Variants in ITSN2 observed in about 807,000 individuals in gnomAD.
The protein encoded by ITSN2 is intersectin 2.
ITSN2 carries 156 observed loss-of-function variants against 243.7 expected under a neutral mutation model. That is an observed-to-expected ratio of 0.64 (90% CI 0.56 to 0.73). The LOEUF (loss-of-function observed/expected upper bound fraction) is 0.73. Among genes scored for constraint, ITSN2 ranks in the 30% least tolerant of loss-of-function variants. The pLI is 0.00. For synonymous variants in ITSN2, 703 were observed against 699.9 expected, an observed-to-expected ratio of 1.00 and a Z score of -0.07; for missense variants, 1,801 against 1,996.1, an observed-to-expected ratio of 0.90 and a Z score of 1.86.
chr2:24,290,434 T>C (rs142824934), intron 15 of ITSN2, among the ~76,000 whole-genome samples: 1 of 152,338 alleles, frequency 6.6e-6, no homozygotes, highest in Non-Finnish European at 1.5e-5. Context: ...TTGTATTACA[T>C]GTACTTCAAA....
chr2:24,339,830 T>C (rs2702123), intron 1 of ITSN2, among the ~76,000 whole-genome samples: 21,058 of 151,882 alleles, frequency 0.14, 2,009 homozygotes, highest in African/African-American at 0.27. Context: ...AGCTCAAGAC[T>C]AGCCTGGGCA....
At chr2:24,317,067 A>C (rs544146558) in intron 2 of ITSN2, among the ~76,000 whole-genome samples, 1 of 152,198 alleles carries the variant, frequency 6.6e-6, no homozygotes, top group Non-Finnish European at 1.5e-5. Flanking sequence ...TGGCCCCAAC[A>C]GTATTTTGGC....
chr2:24,340,191 A>G (rs1243918390), intron 1 of ITSN2, among the ~76,000 whole-genome samples: 1 of 152,116 alleles, frequency 6.6e-6, no homozygotes, highest in Non-Finnish European at 1.5e-5. Context: ...TATAAAGTTG[A>G]ATGTACTTGG....
At chr2:24,284,956 G>A in intron 16 of ITSN2, 113 bp from the exon 17 acceptor site, 1 of 565,330 alleles carries the variant, frequency 1.8e-6, no homozygotes, top group South Asian at 2.0e-5. Context: ...GACTGCAGTG[G>A]CGCAATCTCA....
At chr2:24,346,144 G>C (rs565445281) in intron 1 of ITSN2, among the ~76,000 whole-genome samples, 2 of 152,274 alleles carry the variant, frequency 1.3e-5, no homozygotes, top group Non-Finnish European at 2.9e-5. Flanking sequence ...AGGCTACGTA[G>C]AGTATAGCAC....
intron 1 of ITSN2, among the ~76,000 whole-genome samples, chr2:24,328,711 C>T (rs967817753): frequency 6.6e-6 from 1 of 152,176 alleles, no homozygotes; most frequent in Non-Finnish European, 1.5e-5. Context: ...GACCTGCCCA[C>T]GTCAGCCTCC....
At position 24,293,709 on chromosome 2, in the gene ITSN2, T is replaced by A. The variant is rs368084622; in HGVS notation, c.1702A>T (p.Met568Leu). The change falls in exon 15 of 40, where the codon ATG becomes TTG. Residue 568 changes from methionine to leucine, a missense_variant. Coordinates refer to ENST00000355123, the MANE Select transcript of ITSN2 (RefSeq NM_006277.3). ...TTACCAGGTGTGTTACTGAACTGCA[T>A]GTTTTTAATTCTTTCATTTAATAAT... ...KQLLNERIKN[M>L]QFSNTPDSGV... 13 of 1,220,502 alleles carry A rather than the reference T, an allele frequency of 1.1e-5. No homozygotes were observed. In the African/African-American group the frequency reaches 1.9e-4, roughly 18 times the overall value. 75.6% of individuals were successfully genotyped at this position (1,220,502 alleles called of 1,614,324 possible).
intron 1 of ITSN2, among the ~76,000 whole-genome samples, chr2:24,332,154 A>C (rs1685863578): frequency 6.6e-6 from 1 of 152,196 alleles, no homozygotes; most frequent in African/African-American, 2.4e-5. Flanking sequence ...CGGCAGGAGA[A>C]TCGCTTGAAC....
chr2:24,324,125 G>A (rs1331480914), intron 2 of ITSN2, among the ~76,000 whole-genome samples: 8 of 152,134 alleles, frequency 5.3e-5, no homozygotes, highest in East Asian at 1.9e-4. Context: ...CCAGCTACTC[G>A]GGAGGCTGAG....
chr2:24,320,989 T>C (rs528991912), intron 2 of ITSN2, among the ~76,000 whole-genome samples: 2 of 152,188 alleles, frequency 1.3e-5, no homozygotes, highest in Non-Finnish European at 2.9e-5. Context: ...TAGTGGTATG[T>C]ACACTCATGA....
chr2:24,300,184 T>C lies in ITSN2; in HGVS notation c.1082-13A>G, dbSNP rs572961820. ...TCCTCAAAAGTAACTGAACAAGGTA[T>C]GCCTATCAGCATCCACACACATTAA... On this transcript the variant is annotated splice_polypyrimidine_tract_variant and intron_variant, in intron 11 of 39. Coordinates refer to ENST00000355123, the MANE Select transcript of ITSN2 (RefSeq NM_006277.3). 12 of 1,613,540 alleles carry C rather than the reference T, an allele frequency of 7.4e-6. No homozygotes were observed. The highest frequency in any genetic ancestry group is 1.0e-5 in the Non-Finnish European group (12 of 1,179,776).
intron 1 of ITSN2, among the ~76,000 whole-genome samples, chr2:24,342,546 C>T: frequency 6.8e-6 from 1 of 147,934 alleles, no homozygotes; most frequent in South Asian, 2.2e-4. Flanking sequence ...TCTCGTAGGC[C>T]CTCAAGTGTC....
chr2:24,203,955 G>T, intron 39 of ITSN2, 172 bp from the exon 40 acceptor site: 1 of 680,856 alleles, frequency 1.5e-6, no homozygotes, highest in South Asian at 1.9e-5. Context: ...TGGCAGGTTT[G>T]TGTGTGAGAA....
At chr2:24,327,434 G>A (rs541088727) in intron 2 of ITSN2, among the ~76,000 whole-genome samples, 5 of 151,930 alleles carry the variant, frequency 3.3e-5, no homozygotes, top group Non-Finnish European at 7.4e-5. Context: ...AAGCAGCTGG[G>A]ATTACAGGTG....
At chr2:24,321,727 T>C (rs1684599599) in intron 2 of ITSN2, 1 of 152,128 alleles carries the variant, frequency 6.6e-6, no homozygotes, top group African/African-American at 2.4e-5. Flanking sequence ...GATTTTCTAT[T>C]ATATGACTTC....
At chr2:24,221,793 AGG>A (rs1221309569) in intron 29 of ITSN2, among the ~76,000 whole-genome samples, 1 of 152,234 alleles carries the variant, frequency 6.6e-6, no homozygotes, top group Non-Finnish European at 1.5e-5. Flanking sequence ...TCAGGGTGAG[AGG>A]TACTGCATTC....
At chr2:24,226,653 T>C (rs1396809856) in intron 29 of ITSN2, among the ~76,000 whole-genome samples, 1 of 152,180 alleles carries the variant, frequency 6.6e-6, no homozygotes, top group East Asian at 1.9e-4. Context: ...ATCCATGAAT[T>C]AGATTTCTAG....
chr2:24,259,967 G>C (rs553181218), intron 22 of ITSN2, among the ~76,000 whole-genome samples: 1 of 152,252 alleles, frequency 6.6e-6, no homozygotes, highest in South Asian at 2.1e-4. Flanking sequence ...TATTGCCCAG[G>C]CTGGAGTACA....
chr2:24,278,406 A>C (rs758101519), intron 17 of ITSN2, among the ~76,000 whole-genome samples: 2 of 152,174 alleles, frequency 1.3e-5, no homozygotes, highest in Non-Finnish European at 2.9e-5. Flanking sequence ...ATATTTAATA[A>C]ATATTTATTG....
Sources: allele counts gnomAD v4.1 joint callset (sites outside exome capture counted in the v4.1 genomes callset), GRCh38; gene constraint gnomAD v4.1.1; transcripts MANE v1.5; gene names NCBI Gene and HGNC (gene_info 2026-07-23, HGNC 2026-07-21).